COL24A1: variants seen among roughly 807,000 people sequenced by gnomAD.
The protein encoded by COL24A1 is collagen alpha-1(XXIV) chain.
Under a neutral mutation model 253.9 loss-of-function variants are expected in COL24A1, and 224 were observed. That is an observed-to-expected ratio of 0.88 (90% confidence interval 0.79 to 0.99). The LOEUF is 0.99. Among genes scored for constraint, COL24A1 ranks in the 50% least tolerant of loss-of-function variants. The pLI is 0.00. For missense variants in COL24A1, 2,131 were observed against 2,068.5 expected (o/e 1.03, Z -0.59); for synonymous variants, 685 against 673.7 (o/e 1.02, Z -0.26).
intron 2 of COL24A1, among the ~76,000 whole-genome samples, chr1:86,134,142 T>G (rs971186023): frequency 4.0e-5 from 6 of 151,824 alleles, no homozygotes; most frequent in African/African-American, 1.5e-4. Context: ...TGGGTAGAGG[T>G]GTTTATAGTA....
At chr1:86,136,880 T>C (rs1238099774) in intron 2 of COL24A1, among the ~76,000 whole-genome samples, 1 of 152,094 alleles carries the variant, frequency 6.6e-6, no homozygotes, top group African/African-American at 2.4e-5. Context: ...CTTTCTTACC[T>C]GAGTATGAAT....
Position 86,079,604 on chromosome 1 carries a change from C to A in COL24A1, c.1707+9570G>T, listed in dbSNP as rs1702493730. Among the ~76,000 whole-genome samples the A allele has an allele frequency of 2.0e-5, 3 of 151,600 alleles. No homozygotes were observed. In the South Asian group the frequency reaches 6.4e-4, roughly 32 times the overall value. On this transcript the variant is annotated intron_variant, in intron 7 of 59. Coordinates refer to ENST00000370571, the MANE Select transcript of COL24A1 (RefSeq NM_152890.7). ...TGTAGAAGGTGCTCAAACAACTAAT[C>A]AAGTAATCCAATTAAAAATGGGCGA...
intron 12 of COL24A1, among the ~76,000 whole-genome samples, chr1:86,041,893 C>A (rs1699519400): frequency 6.6e-6 from 1 of 152,104 alleles, no homozygotes; most frequent in South Asian, 2.1e-4. Context: ...ACTCAAATAT[C>A]CACAGATAGA....
intron 24 of COL24A1, among the ~76,000 whole-genome samples, chr1:85,945,897 G>T (rs1298398751): frequency 1.3e-5 from 2 of 152,052 alleles, no homozygotes; most frequent in African/African-American, 4.8e-5. Flanking sequence ...CATTTCATCT[G>T]CACATCTGGG....
intron 47 of COL24A1, among the ~76,000 whole-genome samples, chr1:85,787,778 G>T (rs1669837675): frequency 1.3e-5 from 2 of 152,232 alleles, no homozygotes; most frequent in African/African-American, 4.8e-5. Context: ...CTGGACTTTG[G>T]TTCCTTAAGG....
intron 24 of COL24A1, among the ~76,000 whole-genome samples, chr1:85,950,945 T>C (rs1689846397): frequency 6.6e-6 from 1 of 152,228 alleles, no homozygotes; most frequent in Non-Finnish European, 1.5e-5. Context: ...TATCATGAAC[T>C]GCTTACAGTA....
intron 10 of COL24A1, among the ~76,000 whole-genome samples, chr1:86,055,485 A>G (rs1162617785): frequency 6.6e-6 from 1 of 152,238 alleles, no homozygotes; most frequent in Non-Finnish European, 1.5e-5. Context: ...GTATAATACA[A>G]TGCAAAAATG....
In COL24A1 at chr1:86,017,216, G is replaced by C. The variant is rs770467150; in HGVS notation, c.2257-12C>G. 1 of 1,553,578 alleles carries C rather than the reference G, an allele frequency of 6.4e-7. No homozygotes were observed. Among genetic ancestry groups the C allele is most frequent in the Non-Finnish European group, 8.6e-7 (1 of 1,159,554 alleles). On this transcript the variant is annotated splice_polypyrimidine_tract_variant and intron_variant, in intron 18 of 59. Coordinates refer to ENST00000370571, the MANE Select transcript of COL24A1 (RefSeq NM_152890.7). ...TCACCTGTTTGGCCCTAAAATGGGGGGGGAGGATCAAAGTATAAACATAAA... is the reference window on the plus strand; with the variant it reads ...TCACCTGTTTGGCCCTAAAATGGGGCGGGAGGATCAAAGTATAAACATAAA...
chr1:86,088,308 A>G (rs1703224565), intron 7 of COL24A1, among the ~76,000 whole-genome samples: 1 of 152,214 alleles, frequency 6.6e-6, no homozygotes, highest in Non-Finnish European at 1.5e-5. Context: ...GGAAAGGAAT[A>G]TGGAACACTA....
At position 85,838,148 on chromosome 1, in the gene COL24A1, A is replaced by G. The variant is rs532260424; in HGVS notation, c.3681+437T>C. ...ATACCAGGAACTTTGTGTTCTAGAA[A>G]TTGGGGGTATAATGATGAAAATGAG... On this transcript the variant is annotated intron_variant, in intron 43 of 59. Coordinates refer to ENST00000370571, the MANE Select transcript of COL24A1 (RefSeq NM_152890.7). Among the ~76,000 whole-genome samples, 19 of 151,438 alleles carry G rather than the reference A, an allele frequency of 1.3e-4. No individual in the cohort carries two copies. The South Asian group carries it at 3.1e-3, about 25-fold the overall frequency.
rs766544075 is a variant in COL24A1, at chr1:86,125,408, A to G, written c.928T>C (p.Ser310Pro). The change falls in exon 3 of 60, where the codon TCA becomes CCA. Residue 310 changes from serine (S) to proline (P), a missense_variant. Coordinates refer to ENST00000370571, the MANE Select transcript of COL24A1 (RefSeq NM_152890.7). The stretch of plus-strand genomic sequence containing the variant: ...TGAAGAGAAGATAACTGAGATCTTG[A>G]TATCTGGTGTTCTTGTCTTTTATAC... Reference protein sequence around the residue: ...TVYKRQEHQISRSQLSSLQSG... With the variant: ...TVYKRQEHQIPRSQLSSLQSG... 1.2e-6 allele frequency: 2 copies of G among 1,613,458 alleles called. No individual in the cohort carries two copies. Among genetic ancestry groups the G allele is most frequent in the Admixed American group, 1.7e-5 (1 of 59,864 alleles).
intron 24 of COL24A1, among the ~76,000 whole-genome samples, chr1:85,923,083 A>G (rs143841778): frequency 0.038 from 5,835 of 152,336 alleles, 183 homozygotes; most frequent in African/African-American, 0.08. Context: ...AGGCCATTAC[A>G]TAATGGTAAA....
intron 47 of COL24A1, among the ~76,000 whole-genome samples, chr1:85,813,975 ATTGGTGGCACCCTAACTAGACTACTCT>A (rs1672830667): frequency 2.0e-5 from 3 of 152,292 alleles, no homozygotes; most frequent in Middle Eastern, 3.4e-3. Context: ...TGCCAATGTC[ATTGGTGGCACCCTAACTAGACTACTCT>A]TTGCTTGGGG....
intron 55 of COL24A1, among the ~76,000 whole-genome samples, chr1:85,754,550 T>TAAAAAAAAAAA (rs34069021): frequency 9.0e-6 from 1 of 111,002 alleles, no homozygotes; most frequent in Non-Finnish European, 1.8e-5. Context: ...AAAAAAAAAT[T>TAAAAAAAAAAA]AAAAAAAAAA....
At chr1:85,833,849 AG>A (rs1675663795) in intron 43 of COL24A1, among the ~76,000 whole-genome samples, 2 of 151,972 alleles carry the variant, frequency 1.3e-5, no homozygotes, top group Admixed American at 1.3e-4. Context: ...CATCATTCTC[AG>A]CAAACTATGG....
At chr1:86,003,531 G>A (rs1695635507) in intron 19 of COL24A1, among the ~76,000 whole-genome samples, 1 of 152,110 alleles carries the variant, frequency 6.6e-6, no homozygotes, top group Admixed American at 6.5e-5. Context: ...AAAAGCTTCA[G>A]CTTGATTTAT....
intron 7 of COL24A1, among the ~76,000 whole-genome samples, chr1:86,087,442 G>A (rs1321814026): frequency 6.6e-6 from 1 of 152,040 alleles, no homozygotes; most frequent in Non-Finnish European, 1.5e-5. Context: ...TAAAATCAAA[G>A]TATTTTTTGT....
At chr1:85,874,764 G>C in intron 34 of COL24A1, 62 bp from the exon 35 acceptor site, 1 of 1,551,076 alleles carries the variant, frequency 6.4e-7, no homozygotes, top group Middle Eastern at 2.3e-4. Context: ...TAATTATGGA[G>C]GGCATGCCAT....
At chr1:86,064,189 T>C (rs1701314598) in intron 7 of COL24A1, among the ~76,000 whole-genome samples, 1 of 152,054 alleles carries the variant, frequency 6.6e-6, no homozygotes, top group South Asian at 2.1e-4. Flanking sequence ...AAAAACTGGA[T>C]CATATCCAGG....
Sources: allele counts gnomAD v4.1 joint callset (sites outside exome capture counted in the v4.1 genomes callset), GRCh38; gene constraint gnomAD v4.1.1; transcripts MANE v1.5; gene names NCBI Gene and HGNC (gene_info 2026-07-23, HGNC 2026-07-21).